Variants in CTNNA3 observed in about 807,000 individuals in gnomAD.
CTNNA3 encodes catenin alpha 3.
CTNNA3 carries 76 observed loss-of-function variants against 95.7 expected under a neutral mutation model. The ratio of observed to expected loss-of-function variants is 0.79; its 90% CI spans 0.66 to 0.96. CTNNA3 has a LOEUF of 0.96. Among genes scored for constraint, CTNNA3 ranks in the 40% least tolerant of loss-of-function variants. The pLI is 0.00. For synonymous variants in CTNNA3, 431 were observed against 374.4 expected, an observed-to-expected ratio of 1.15 and a Z score of -1.74; for missense variants, 1,191 against 1,089.8, an observed-to-expected ratio of 1.09 and a Z score of -1.31.
chr10:66,851,896 T>G (rs758280965), intron 7 of CTNNA3, among the ~76,000 whole-genome samples: 14 of 152,152 alleles, frequency 9.2e-5, no homozygotes, highest in Non-Finnish European at 1.6e-4. Context: ...TAGATACATT[T>G]ACTGACTGCT....
chr10:66,511,279 T>A (rs867659841), intron 11 of CTNNA3, among the ~76,000 whole-genome samples: 1 of 151,772 alleles, frequency 6.6e-6, no homozygotes, highest in African/African-American at 2.4e-5. Flanking sequence ...TTTTTCTTAA[T>A]CTATATAATA....
intron 5 of CTNNA3, among the ~76,000 whole-genome samples, chr10:67,327,304 C>T (rs550461534): frequency 6.6e-6 from 1 of 152,274 alleles, no homozygotes; most frequent in African/African-American, 2.4e-5. Context: ...GGTACTCTGG[C>T]TTTTTGAGTT....
rs769961662 is a variant in CTNNA3 at position 66,981,402 on chromosome 10, T to A, written c.1047+198915A>T. 2.6e-5 allele frequency among the ~76,000 whole-genome samples: 4 copies of A among 152,244 alleles called. No homozygotes were observed. The South Asian group carries it at 8.3e-4, about 32-fold the overall frequency. The stretch of plus-strand genomic sequence containing the variant: ...AGTCACCCTGCATTCTGCACTCTTC[T>A]GGATTTTGAGTCCCTTTGAATTGCC... On this transcript the variant is annotated intron_variant, in intron 7 of 17. Coordinates refer to ENST00000433211, the MANE Select transcript of CTNNA3 (RefSeq NM_013266.4).
intron 9 of CTNNA3, among the ~76,000 whole-genome samples, chr10:66,696,912 C>T (rs949262580): frequency 6.6e-6 from 1 of 152,032 alleles, no homozygotes; most frequent in Non-Finnish European, 1.5e-5. Flanking sequence ...GAGTGAGATA[C>T]TGTCTCTGAA....
At chr10:67,341,024 CAT>C (rs1459690836) in intron 5 of CTNNA3, among the ~76,000 whole-genome samples, 1 of 151,960 alleles carries the variant, frequency 6.6e-6, no homozygotes, top group Non-Finnish European at 1.5e-5. Flanking sequence ...TGAAATAAGA[CAT>C]ATAGGTTTTT....
chr10:67,687,002 C>T (rs1379705355), intron 1 of CTNNA3, among the ~76,000 whole-genome samples: 2 of 152,126 alleles, frequency 1.3e-5, no homozygotes, highest in Non-Finnish European at 2.9e-5. Context: ...GACTTTCAGA[C>T]ACAACAAGAA....
intron 10 of CTNNA3, among the ~76,000 whole-genome samples, chr10:66,554,433 A>C (rs1842328819): frequency 1.7e-5 from 2 of 115,960 alleles, no homozygotes; most frequent in African/African-American, 2.7e-5. Context: ...TAAAAAAAAT[A>C]ATTCTTTTTG....
At chr10:66,494,351 C>G (rs1026290903) in intron 11 of CTNNA3, among the ~76,000 whole-genome samples, 1 of 152,204 alleles carries the variant, frequency 6.6e-6, no homozygotes, top group Non-Finnish European at 1.5e-5. Flanking sequence ...TAATGTGTAG[C>G]AGATACTGCC....
intron 7 of CTNNA3, among the ~76,000 whole-genome samples, chr10:67,154,408 A>G (rs908777071): frequency 1.6e-4 from 24 of 152,228 alleles, no homozygotes; most frequent in Non-Finnish European, 2.5e-4. Flanking sequence ...ATTCAACTTC[A>G]GCAGGAGTCA....
intron 17 of CTNNA3, among the ~76,000 whole-genome samples, chr10:65,934,545 A>G (rs1241505679): frequency 1.3e-5 from 2 of 152,164 alleles, no homozygotes; most frequent in Admixed American, 6.6e-5. Context: ...TATCGATGGA[A>G]TCACACTCAC....
intron 3 of CTNNA3, among the ~76,000 whole-genome samples, chr10:67,572,241 G>C (rs1039532581): frequency 1.3e-5 from 2 of 151,456 alleles, no homozygotes; most frequent in Non-Finnish European, 2.9e-5. Context: ...TTTAAAATAT[G>C]ACTACCAAAA....
chr10:66,961,030 T>G (rs1849081215), intron 7 of CTNNA3, among the ~76,000 whole-genome samples: 1 of 152,192 alleles, frequency 6.6e-6, no homozygotes, highest in African/African-American at 2.4e-5. Flanking sequence ...TAACTTGACA[T>G]AGTTATCACA....
intron 15 of CTNNA3, among the ~76,000 whole-genome samples, chr10:66,036,268 G>C (rs2079561719): frequency 6.6e-6 from 1 of 152,114 alleles, no homozygotes; most frequent in African/African-American, 2.4e-5. Flanking sequence ...CAACTGGAAG[G>C]CATAAAATAT....
At chr10:66,730,355 A>G (rs1848919976) in intron 9 of CTNNA3, among the ~76,000 whole-genome samples, 1 of 152,174 alleles carries the variant, frequency 6.6e-6, no homozygotes, top group Non-Finnish European at 1.5e-5. Flanking sequence ...AAGGAATAGA[A>G]AACTAAACAC....
At chr10:66,660,707 TTA>T (rs1846231878) in intron 9 of CTNNA3, among the ~76,000 whole-genome samples, 1 of 152,198 alleles carries the variant, frequency 6.6e-6, no homozygotes, top group Non-Finnish European at 1.5e-5. Flanking sequence ...TATCACTTCT[TTA>T]ATTCTTTTCA....
At chr10:66,269,107 C>T (rs2091221706) in intron 13 of CTNNA3, among the ~76,000 whole-genome samples, 1 of 152,180 alleles carries the variant, frequency 6.6e-6, no homozygotes, top group South Asian at 2.1e-4. Flanking sequence ...TACTAAATGG[C>T]TTGCATACAT....
intron 7 of CTNNA3, among the ~76,000 whole-genome samples, chr10:66,851,737 A>G (rs997114361): frequency 1.3e-5 from 2 of 151,954 alleles, no homozygotes; most frequent in Non-Finnish European, 2.9e-5. Flanking sequence ...TGGCCTTACC[A>G]GAAGCTGAGC....
intron 1 of CTNNA3, among the ~76,000 whole-genome samples, chr10:67,731,565 G>A (rs1373481106): frequency 6.6e-6 from 1 of 151,998 alleles, no homozygotes; most frequent in Admixed American, 6.5e-5. Context: ...CACTTTGGGA[G>A]GCCGAGGCAG....
chr10:66,016,387 A>T (rs61858366), intron 15 of CTNNA3, among the ~76,000 whole-genome samples: 22,747 of 152,176 alleles, frequency 0.15, 2,192 homozygotes, highest in Non-Finnish European at 0.22. Flanking sequence ...AAGAAAGACG[A>T]TTCTTCCCTG....
Sources: allele counts gnomAD v4.1 joint callset (sites outside exome capture counted in the v4.1 genomes callset), GRCh38; gene constraint gnomAD v4.1.1; transcripts MANE v1.5; gene names NCBI Gene and HGNC (gene_info 2026-07-23, HGNC 2026-07-21).